The following CAMK1D variants were observed in gnomAD, a reference collection of about 807,000 sequenced individuals.
The protein encoded by CAMK1D is calcium/calmodulin dependent protein kinase ID.
A neutral mutation model predicts 47.7 loss-of-function variants in CAMK1D; 9 were observed. The observed-to-expected ratio is 0.19, with a 90% confidence interval of 0.11 to 0.33. The LOEUF (loss-of-function observed/expected upper bound fraction) is 0.33, where lower values mean the gene tolerates loss of function less well. CAMK1D is among the 10% of genes least tolerant of loss of function. The pLI is 1.00. For synonymous variants in CAMK1D, 184 were observed against 184.9 expected (o/e 0.99, Z 0.04); for missense variants, 291 against 488.7 (o/e 0.60, Z 3.81).
At chr10:12,559,378 C>T (rs1223738271) in intron 2 of CAMK1D, among the ~76,000 whole-genome samples, 1 of 152,120 alleles carries the variant, frequency 6.6e-6, no homozygotes, top group East Asian at 1.9e-4. Flanking sequence ...ATGGCAGGTG[C>T]TGGAAAATTG....
chr10:12,765,958 C>CTTT (rs147498267), intron 4 of CAMK1D, among the ~76,000 whole-genome samples: 141 of 86,476 alleles, frequency 1.6e-3, no homozygotes, highest in African/African-American at 2.1e-3. Context: ...CCATCCTAAT[C>CTTT]TTTTTTTTTT....
At chr10:12,820,465 T>C (rs982525556) in intron 8 of CAMK1D, among the ~76,000 whole-genome samples, 18 of 152,244 alleles carry the variant, frequency 1.2e-4, no homozygotes. Flanking sequence ...CTGGGCAAAG[T>C]AGAACACAGA....
At chr10:12,540,942 G>C (rs1481979396) in intron 1 of CAMK1D, among the ~76,000 whole-genome samples, 1 of 138,254 alleles carries the variant, frequency 7.2e-6, no homozygotes, top group Non-Finnish European at 1.6e-5. Context: ...TTTTTTTTAA[G>C]AAAAAGAATT....
intron 1 of CAMK1D, among the ~76,000 whole-genome samples, chr10:12,467,580 C>T (rs1186920511): frequency 1.3e-5 from 2 of 152,132 alleles, no homozygotes; most frequent in African/African-American, 4.8e-5. Flanking sequence ...ATATTTTCAC[C>T]TCTGATTAAA....
chr10:12,513,584 G>A (rs1470243196), intron 1 of CAMK1D, among the ~76,000 whole-genome samples: 5 of 152,010 alleles, frequency 3.3e-5, no homozygotes, highest in South Asian at 2.1e-4. Context: ...CCAGGAGTTC[G>A]AGACCAGCCT....
At chr10:12,422,665 A>G (rs1194197276) in intron 1 of CAMK1D, among the ~76,000 whole-genome samples, 2 of 151,678 alleles carry the variant, frequency 1.3e-5, no homozygotes, top group Non-Finnish European at 2.9e-5. Context: ...ATGTGGGTTA[A>G]TATAATTTTT....
intron 1 of CAMK1D, among the ~76,000 whole-genome samples, chr10:12,365,750 C>T (rs1221149546): frequency 6.6e-6 from 1 of 151,640 alleles, no homozygotes; most frequent in Non-Finnish European, 1.5e-5. Flanking sequence ...AAGATTATAG[C>T]TTTAAAAATG....
At chr10:12,707,599 A>T (rs981543117) in intron 3 of CAMK1D, among the ~76,000 whole-genome samples, 6 of 152,242 alleles carry the variant, frequency 3.9e-5, no homozygotes, top group African/African-American at 1.4e-4. Context: ...GTCAGAAAAT[A>T]GAGAGCTAGG....
At chr10:12,611,983 G>T (rs1268322092) in intron 2 of CAMK1D, among the ~76,000 whole-genome samples, 1 of 152,332 alleles carries the variant, frequency 6.6e-6, no homozygotes, top group South Asian at 2.1e-4. Flanking sequence ...TCTGAGGCCA[G>T]TCCATTAAGG....
At chr10:12,812,849 CA>C (rs1376644773) in intron 6 of CAMK1D, among the ~76,000 whole-genome samples, 1 of 152,124 alleles carries the variant, frequency 6.6e-6, no homozygotes, top group Non-Finnish European at 1.5e-5. Context: ...GTGTTTTAGC[CA>C]GCCAAACTGA....
intron 1 of CAMK1D, among the ~76,000 whole-genome samples, chr10:12,502,092 C>T (rs1161795026): frequency 1.3e-5 from 2 of 152,092 alleles, no homozygotes; most frequent in Admixed American, 6.6e-5. Context: ...GGGTCAGGAA[C>T]GAGTGTGGAG....
intron 1 of CAMK1D, among the ~76,000 whole-genome samples, chr10:12,537,332 A>G (rs1222116135): frequency 6.6e-6 from 1 of 152,234 alleles, no homozygotes; most frequent in African/African-American, 2.4e-5. Context: ...TTGACCTCCC[A>G]AAGTGGTAGG....
chr10:12,640,090 G>T (rs1316400187), intron 2 of CAMK1D, among the ~76,000 whole-genome samples: 1 of 152,194 alleles, frequency 6.6e-6, no homozygotes, highest in Non-Finnish European at 1.5e-5. Flanking sequence ...TTATTCTGCA[G>T]AATAGCTCCT....
chr10:12,562,987 A>G (rs1259859442), intron 2 of CAMK1D, among the ~76,000 whole-genome samples: 1 of 152,248 alleles, frequency 6.6e-6, no homozygotes, highest in Non-Finnish European at 1.5e-5. Flanking sequence ...TTAGTTCTCC[A>G]AAGAAACAGA....
At chr10:12,474,425 C>T (rs954683014) in intron 1 of CAMK1D, among the ~76,000 whole-genome samples, 1 of 151,942 alleles carries the variant, frequency 6.6e-6, no homozygotes, top group Non-Finnish European at 1.5e-5. Flanking sequence ...GATCTCCTGA[C>T]CTAAGAATCC....
At chr10:12,540,199 G>T (rs1836122004) in intron 1 of CAMK1D, among the ~76,000 whole-genome samples, 1 of 151,698 alleles carries the variant, frequency 6.6e-6, no homozygotes, top group African/African-American at 2.4e-5. Flanking sequence ...CAAACTGTTG[G>T]GATTACAGGC....
At chr10:12,741,179 T>C (rs1205390429) in intron 3 of CAMK1D, among the ~76,000 whole-genome samples, 1 of 152,212 alleles carries the variant, frequency 6.6e-6, no homozygotes, top group Non-Finnish European at 1.5e-5. Flanking sequence ...ACGCATGGAT[T>C]CTAAATTCAA....
rs867459255 is a variant in CAMK1D, at chr10:12,734,435, C to T, written c.300-26513C>T. ...ACACACACACATGTATATATATATA[C>T]ACACACACATATGTGTATATATACA... On this transcript the variant is annotated intron_variant, in intron 3 of 10. Transcript: ENST00000619168. Among the ~76,000 whole-genome samples, 18 of 28,714 alleles carry T rather than the reference C, an allele frequency of 6.3e-4. 1 individual carries two copies. Among genetic ancestry groups the T allele is most frequent in the African/African-American group, 1.5e-3 (12 of 8,106 alleles). 18.8% of individuals were successfully genotyped at this position (28,714 alleles called of 152,430 possible). A position where few individuals can be genotyped will look rare whatever the true frequency, so the allele number is the denominator to read the frequency against.
intron 1 of CAMK1D, among the ~76,000 whole-genome samples, chr10:12,387,400 TTATATATTA>T (rs1375083314): frequency 3.1e-5 from 2 of 65,276 alleles, no homozygotes; most frequent in African/African-American, 9.0e-5. Context: ...TTATATATTT[TTATATATTA>T]TATATATTTT....
Sources: allele counts gnomAD v4.1 joint callset (sites outside exome capture counted in the v4.1 genomes callset), GRCh38; gene constraint gnomAD v4.1.1; transcripts MANE v1.5; gene names NCBI Gene and HGNC (gene_info 2026-07-23, HGNC 2026-07-21).